Variants in LYST observed in about 807,000 individuals in gnomAD.
The protein encoded by LYST is lysosomal-trafficking regulator.
A neutral mutation model predicts 413.6 loss-of-function variants in LYST; 192 were observed. The observed-to-expected ratio is 0.46, with a 90% CI of 0.41 to 0.52. The LOEUF (loss-of-function observed/expected upper bound fraction) is 0.52. Ranked by LOEUF, LYST falls within the 20% of genes least tolerant of loss-of-function variation. The pLI is 0.00. For missense variants in LYST, 3,815 were observed against 4,499.9 expected, an observed-to-expected ratio of 0.85 and a Z score of 4.35; for synonymous variants, 1,525 against 1,567.3, an observed-to-expected ratio of 0.97 and a Z score of 0.64.
intron 14 of LYST, among the ~76,000 whole-genome samples, chr1:235,783,440 C>T (rs1398705781): frequency 6.6e-6 from 1 of 151,736 alleles, no homozygotes; most frequent in Non-Finnish European, 1.5e-5. Flanking sequence ...TGAGAACATA[C>T]GGACACAGGG....
intron 1 of LYST, among the ~76,000 whole-genome samples, chr1:235,837,357 G>A (rs1469101350): frequency 6.6e-6 from 1 of 152,224 alleles, no homozygotes; most frequent in Admixed American, 6.5e-5. Flanking sequence ...GGCGGGTGCA[G>A]TGGCTCAAGC....
intron 50 of LYST, among the ~76,000 whole-genome samples, chr1:235,675,301 C>T (rs1458212742): frequency 2.0e-5 from 3 of 152,192 alleles, no homozygotes; most frequent in Admixed American, 1.3e-4. Context: ...CCCCTCCTCT[C>T]GCAAACTGCA....
At chr1:235,775,785 A>C (rs1168648030) in intron 17 of LYST, among the ~76,000 whole-genome samples, 1 of 152,146 alleles carries the variant, frequency 6.6e-6, no homozygotes, top group Non-Finnish European at 1.5e-5. Context: ...CTGGAAGTTC[A>C]CAGTACATCT....
At chr1:235,815,831 A>G (rs1211487447) in intron 3 of LYST, among the ~76,000 whole-genome samples, 1 of 152,178 alleles carries the variant, frequency 6.6e-6, no homozygotes, top group Non-Finnish European at 1.5e-5. Flanking sequence ...GAATAGAAAG[A>G]AACAATATTG....
chr1:235,666,589 T>G (rs1658487370), intron 50 of LYST, among the ~76,000 whole-genome samples: 1 of 93,636 alleles, frequency 1.1e-5, no homozygotes, highest in Non-Finnish European at 2.4e-5. Context: ...GAGACACACA[T>G]GCACACACAC....
intron 14 of LYST, 114 bp from the exon 15 acceptor site, chr1:235,782,201 C>T (rs1187610073): frequency 1.6e-5 from 15 of 940,286 alleles, no homozygotes; most frequent in Admixed American, 7.5e-5. Context: ...TTTTTGGAGA[C>T]AGAGTCTCGC....
At chr1:235,793,681 CA>C (rs1671262232) in intron 10 of LYST, 69 bp from the exon 11 acceptor site, 2 of 811,508 alleles carry the variant, frequency 2.5e-6, no homozygotes, top group Non-Finnish European at 4.3e-6. Context: ...GCAATTTCAC[CA>C]AAAGAGGTAA....
intron 8 of LYST, among the ~76,000 whole-genome samples, chr1:235,802,501 T>C (rs1390163110): frequency 6.6e-6 from 1 of 152,216 alleles, no homozygotes; most frequent in Non-Finnish European, 1.5e-5. Flanking sequence ...CCAGTGTTTG[T>C]CTGCCTAGCT....
At position 235,661,163 on chromosome 1, in the gene LYST, T is replaced by C. The variant is rs978699463; in HGVS notation, c.*1777A>G. ...TTATGAAGTATTTCAAACATATACA[T>C]ATTAGGTTTCATGCTGAATAAATAA... On this transcript the variant is annotated 3_prime_UTR_variant, in exon 53 of 53. Transcript: ENST00000389793. 1.3e-5 allele frequency: 2 copies of C among 152,622 alleles called. No homozygotes were observed. The highest frequency in any genetic ancestry group is 4.8e-5 in the African/African-American group (2 of 41,466). The allele number at this position is 152,622 out of a possible 1,614,324, so 9.5% of individuals were successfully genotyped here.
chr1:235,689,403 CA>C (rs1660474743), intron 47 of LYST, among the ~76,000 whole-genome samples: 1 of 152,064 alleles, frequency 6.6e-6, no homozygotes, highest in East Asian at 1.9e-4. Context: ...CACAGAAAGA[CA>C]AATACTGTAT....
Position 235,816,739 on chromosome 1 carries a change from A to G in LYST, c.193-3678T>C, listed in dbSNP as rs529851613. On this transcript the variant is annotated intron_variant, in intron 3 of 52. Transcript: ENST00000389793. The stretch of plus-strand genomic sequence containing the variant: ...ACACAGAGACCGATGGAACAGAATA[A>G]AGAGCCCAGAAATAAAGCTGCACAC... Among the ~76,000 whole-genome samples the G allele has an allele frequency of 6.5e-3, 987 of 152,278 alleles. 11 individuals are homozygous for G. The highest frequency in any genetic ancestry group is 0.023 in the African/African-American group (949 of 41,564).
chr1:235,738,638 T>A (rs762240675), intron 31 of LYST: 3 of 1,607,992 alleles, frequency 1.9e-6, no homozygotes, highest in Non-Finnish European at 2.6e-6. Context: ...CCCTCAAGAC[T>A]CTGCACCCAG....
chr1:235,748,053 A>C (rs1197772712), intron 28 of LYST, among the ~76,000 whole-genome samples: 1 of 152,234 alleles, frequency 6.6e-6, no homozygotes, highest in African/African-American at 2.4e-5. Context: ...CGGATAAAGA[A>C]AGAGTTGTTT....
Position 235,813,007 on chromosome 1 carries a change from C to T in LYST, c.247G>A (p.Val83Ile). ...LTLLLSLLPL[V>I]WKIPVQEEKA... is the part of the protein sequence containing the mutation. ...TCTTCTTGGACAGGTATCTTCCATA[C>T]CAGTGGAAGGAGAGACAGAAGAAGA... is the stretch of plus-strand genomic sequence containing the variant. The change falls in exon 4 of 53, where the codon GTA becomes ATA. Residue 83 changes from valine to isoleucine, a missense_variant. Physicochemically the swap from Val to Ile is conservative, Grantham distance 29. Around this residue, in one of 4 missense-constraint regions of LYST, gnomAD observed 1,648 missense variants for 1,810.3 expected, o/e 0.91. Transcript: ENST00000389793. The T allele has an allele frequency of 6.2e-7, 1 of 1,611,942 alleles. No individual in the cohort carries two copies.
intron 44 of LYST, among the ~76,000 whole-genome samples, chr1:235,706,056 G>A (rs949142388): frequency 2.0e-5 from 3 of 152,138 alleles, no homozygotes; most frequent in Non-Finnish European, 4.4e-5. Flanking sequence ...GCCTCCCAAA[G>A]TGCTGGGATT....
rs1661180329 is a variant in LYST, at chr1:235,697,172, C to A, written c.10475G>T (p.Arg3492Ile). 1.9e-6 allele frequency: 3 copies of A among 1,614,224 alleles called. No homozygotes were observed. Among genetic ancestry groups the A allele is most frequent in the Non-Finnish European group, 2.5e-6 (3 of 1,180,036 alleles). ...VVCFSQPHGE[R>I]FGSLQALPTR... Reference sequence around the variant, plus strand: ...GGGCAGAGCCTGGAGAGAGCCAAATCTTTCTCCGTGGGGCTGGCTGAAGCA... The same window carrying A: ...GGGCAGAGCCTGGAGAGAGCCAAATATTTCTCCGTGGGGCTGGCTGAAGCA... The change falls in exon 46 of 53, where the codon AGA becomes ATA. Residue 3492 changes from arginine to isoleucine, a missense_variant. Arg to Ile is a moderately conservative substitution (Grantham distance 97). Transcript: ENST00000389793.
At chr1:235,747,199 C>T (rs1342888488) in intron 28 of LYST, 8 of 448,948 alleles carry the variant, frequency 1.8e-5, no homozygotes, top group South Asian at 1.1e-4. Flanking sequence ...ACAGGTAGTG[C>T]ATCCAGGAGA....
rs1186496932 is a variant in LYST, at chr1:235,802,928, T to A, written c.3692A>T (p.Asp1231Val). ...YEADSESNPE[D>V]GETQDDGVDL... ...TTTACCATCATCCTGGGTTTCGCCA[T>A]CTTCAGGATTGCTTTCACTATCTGC... Residue 1231 changes from aspartate (D) to valine (V), a missense_variant, in exon 8 of 53, where the codon GAT becomes GTT. By Grantham distance (152) the Asp-to-Val change is radical (BLOSUM62 -3). Transcript: ENST00000389793. The A allele has an allele frequency of 7.4e-6, 12 of 1,613,618 alleles. No individual in the cohort carries two copies. The highest frequency in any genetic ancestry group is 1.0e-5 in the Non-Finnish European group (12 of 1,179,860).
chr1:235,669,002 A>G (rs1658714523), intron 50 of LYST, among the ~76,000 whole-genome samples: 1 of 152,234 alleles, frequency 6.6e-6, no homozygotes, highest in Non-Finnish European at 1.5e-5. Context: ...TCTCCTGAAC[A>G]CAAGAATAGA....
Sources: allele counts gnomAD v4.1 joint callset (sites outside exome capture counted in the v4.1 genomes callset), GRCh38; gene constraint gnomAD v4.1.1; regional missense constraint gnomAD v4.1.1; transcripts MANE v1.5; gene names NCBI Gene and HGNC (gene_info 2026-07-23, HGNC 2026-07-21).